Variants in RNLS observed in about 807,000 individuals in gnomAD.
RNLS encodes renalase, FAD dependent amine oxidase.
RNLS carries 39 observed loss-of-function variants against 39.8 expected under a neutral mutation model. The ratio of observed to expected loss-of-function variants is 0.98; its 90% CI spans 0.76 to 1.28. RNLS has a LOEUF of 1.28. Ranked by LOEUF, RNLS falls within the 50% of genes most tolerant of loss-of-function variation. RNLS has a pLI of 0.00. For synonymous variants in RNLS, 147 were observed against 150.7 expected (o/e 0.98, Z 0.18); for missense variants, 410 against 413.3 (o/e 0.99, Z 0.07).
chr10:88,372,981 C>T (rs1024970825), intron 4 of RNLS, among the ~76,000 whole-genome samples: 3 of 152,056 alleles, frequency 2.0e-5, no homozygotes, highest in Non-Finnish European at 4.4e-5. Context: ...GAAAATAAAA[C>T]ATTGTGTGTG....
At chr10:88,185,383 G>T in the RNLS span, among the ~76,000 whole-genome samples, 8 of 152,170 alleles carry the variant, frequency 5.3e-5, no homozygotes, top group African/African-American at 1.9e-4. Context: ...CATTAAAAAT[G>T]TCCCTTTAAT....
chr10:88,249,578 G>A, the RNLS span, among the ~76,000 whole-genome samples: 1 of 152,112 alleles, frequency 6.6e-6, no homozygotes, highest in Non-Finnish European at 1.5e-5. Flanking sequence ...CCTGGGGGCT[G>A]GAATCATCTG....
the RNLS span, among the ~76,000 whole-genome samples, chr10:88,221,942 A>G: frequency 2.0e-5 from 3 of 152,220 alleles, no homozygotes; most frequent in South Asian, 4.1e-4. Context: ...TAATTGAACT[A>G]GATGATCTCC....
chr10:88,562,909 T>C (rs1416799116), intron 4 of RNLS, among the ~76,000 whole-genome samples: 1 of 152,156 alleles, frequency 6.6e-6, no homozygotes, highest in Non-Finnish European at 1.5e-5. Flanking sequence ...TATATTGTTC[T>C]CTGGAAACAT....
intron 6 of RNLS, among the ~76,000 whole-genome samples, chr10:88,314,047 T>C (rs1297412437): frequency 2.0e-5 from 3 of 152,072 alleles, no homozygotes; most frequent in African/African-American, 7.2e-5. Context: ...AAAATGAAAA[T>C]TGTGGTAGCA....
the RNLS span, among the ~76,000 whole-genome samples, chr10:88,220,256 G>T: frequency 5.3e-5 from 8 of 152,276 alleles, no homozygotes; most frequent in African/African-American, 1.9e-4. Flanking sequence ...ACTTTGTTTT[G>T]AAATCTGCTT....
the RNLS span, among the ~76,000 whole-genome samples, chr10:88,249,394 A>G: frequency 1.3e-5 from 2 of 152,208 alleles, no homozygotes; most frequent in African/African-American, 4.8e-5. Context: ...CAATTCCATA[A>G]CCTGTAATTC....
At chr10:88,506,652 G>A (rs7920866) in intron 4 of RNLS, among the ~76,000 whole-genome samples, 7,004 of 151,666 alleles carry the variant, frequency 0.046, 524 homozygotes, top group African/African-American at 0.16. Flanking sequence ...ATACATTAAG[G>A]CAAAAGATGT....
At chr10:88,298,062 T>G (rs1483811206) in intron 6 of RNLS, among the ~76,000 whole-genome samples, 1 of 152,186 alleles carries the variant, frequency 6.6e-6, no homozygotes, top group East Asian at 1.9e-4. Context: ...GATTTGCATT[T>G]CCCAAAGGAA....
intron 5 of RNLS, among the ~76,000 whole-genome samples, chr10:88,347,047 T>C (rs369692718): frequency 1.1e-4 from 16 of 152,176 alleles, no homozygotes; most frequent in African/African-American, 3.4e-4. Flanking sequence ...CAGATAAAAA[T>C]GGACCACAAT....
chr10:88,187,434 C>T, the RNLS span, among the ~76,000 whole-genome samples: 1 of 151,986 alleles, frequency 6.6e-6, no homozygotes, highest in African/African-American at 2.4e-5. Context: ...GTGGGACAGA[C>T]ATTTGCCCCT....
intron 4 of RNLS, among the ~76,000 whole-genome samples, chr10:88,419,502 C>CT (rs570141066): frequency 1.1e-4 from 17 of 152,096 alleles, no homozygotes; most frequent in African/African-American, 4.1e-4. Context: ...TCAATGTTTT[C>CT]TTTTTTTTCC....
chr10:88,512,179 C>T (rs975420943), intron 4 of RNLS, among the ~76,000 whole-genome samples: 1 of 152,108 alleles, frequency 6.6e-6, no homozygotes, highest in Non-Finnish European at 1.5e-5. Context: ...ATAGATATCC[C>T]TCAATAGTGC....
chr10:88,286,744 G>A (rs1843301423), intron 6 of RNLS, among the ~76,000 whole-genome samples: 1 of 151,486 alleles, frequency 6.6e-6, no homozygotes, highest in South Asian at 2.1e-4. Context: ...TTAAATTATG[G>A]TTCTGAGATC....
chr10:88,561,575 G>A (rs1160626377), intron 4 of RNLS, among the ~76,000 whole-genome samples: 1 of 152,014 alleles, frequency 6.6e-6, no homozygotes, highest in Admixed American at 6.6e-5. Flanking sequence ...AGATTTTAAT[G>A]TAAAGGATAA....
the RNLS span, among the ~76,000 whole-genome samples, chr10:88,199,233 G>A: frequency 6.6e-6 from 1 of 152,170 alleles, no homozygotes; most frequent in Non-Finnish European, 1.5e-5. Flanking sequence ...ACACTGCTGT[G>A]CGGTGGAAAC....
At chr10:88,437,110 C>G (rs1450934346) in intron 4 of RNLS, among the ~76,000 whole-genome samples, 1 of 152,206 alleles carries the variant, frequency 6.6e-6, no homozygotes, top group Non-Finnish European at 1.5e-5. Flanking sequence ...CTGAAAAATA[C>G]TAGCTATAAA....
intron 4 of RNLS, among the ~76,000 whole-genome samples, chr10:88,428,774 T>C (rs2133798935): frequency 6.6e-6 from 1 of 152,112 alleles, no homozygotes; most frequent in Middle Eastern, 3.4e-3. Context: ...GATCAGATCC[T>C]ACTGTGTGAA....
chr10:88,271,201 T>C (rs767980983), downstream of RNLS, among the ~76,000 whole-genome samples: 17 of 152,210 alleles, frequency 1.1e-4, no homozygotes, highest in Non-Finnish European at 2.4e-4. Flanking sequence ...CTTCTAATGC[T>C]GCGAAAATGT....
Sources: gnomAD v4.1 joint callset for allele counts (sites outside exome capture counted in the v4.1 genomes callset) on GRCh38, gnomAD v4.1.1 for gene constraint, MANE v1.5 for transcripts, NCBI Gene and HGNC (gene_info 2026-07-23, HGNC 2026-07-21) for gene names.